Variants in FNBP1 observed in about 807,000 individuals in gnomAD.
The protein encoded by FNBP1 is formin binding protein 1.
In FNBP1, 26 loss-of-function variants were observed where a neutral mutation model predicts 90.6. That is an observed-to-expected ratio of 0.29 (90% CI 0.21 to 0.40). The LOEUF (loss-of-function observed/expected upper bound fraction) is 0.40, where lower values mean the gene tolerates loss of function less well. Among genes scored for constraint, FNBP1 ranks in the 10% least tolerant of loss-of-function variants. The probability of loss-of-function intolerance (pLI) is 1.00; values close to 1 mark genes in which losing one functional copy is unlikely to be tolerated. For missense variants in FNBP1, 635 were observed against 768.0 expected, an observed-to-expected ratio of 0.83 and a Z score of 2.05; for synonymous variants, 260 against 265.2, an observed-to-expected ratio of 0.98 and a Z score of 0.19.
intron 4 of FNBP1, among the ~76,000 whole-genome samples, chr9:129,971,011 G>A (rs1464357870): frequency 1.3e-5 from 2 of 151,890 alleles, no homozygotes; most frequent in African/African-American, 4.8e-5. Context: ...TCAGCCTCCT[G>A]AGTAGCTGGG....
At chr9:129,896,027 G>A (rs2035670127) in intron 15 of FNBP1, 31 bp from the exon 16 acceptor site, 1 of 1,569,540 alleles carries the variant, frequency 6.4e-7, no homozygotes, top group South Asian at 1.2e-5. Context: ...TATGTTAGAT[G>A]TCTTGGCAAA....
chr9:130,053,658 C>A, the FNBP1 span: 1 of 500,516 alleles, frequency 2.0e-6, no homozygotes, highest in African/African-American at 2.0e-5. Flanking sequence ...AGGTGCGGCC[C>A]GGGCTGGTCT....
intron 6 of FNBP1, among the ~76,000 whole-genome samples, chr9:129,949,998 G>A (rs1028112491): frequency 3.9e-5 from 6 of 152,266 alleles, no homozygotes; most frequent in South Asian, 2.1e-4. Context: ...AGGAGGATGC[G>A]CTGCTTTGAA....
intron 2 of FNBP1, among the ~76,000 whole-genome samples, chr9:129,985,464 A>G (rs921236087): frequency 4.6e-5 from 7 of 152,348 alleles, no homozygotes; most frequent in African/African-American, 1.4e-4. Context: ...AACCAGGATT[A>G]CATCCCAGGC....
intron 1 of FNBP1, among the ~76,000 whole-genome samples, chr9:130,003,896 C>G (rs1277847985): frequency 1.5e-5 from 2 of 136,156 alleles, no homozygotes; most frequent in Non-Finnish European, 3.1e-5. Flanking sequence ...TGCACTCCAG[C>G]CTGGGCGACA....
At chr9:129,953,994 C>T (rs1269599072) in intron 6 of FNBP1, among the ~76,000 whole-genome samples, 1 of 151,516 alleles carries the variant, frequency 6.6e-6, no homozygotes, top group African/African-American at 2.4e-5. Flanking sequence ...ACCTGGGCAA[C>T]ATAGTGAGAT....
chr9:130,035,949 AAAAC>A (rs1178653163), intron 1 of FNBP1, among the ~76,000 whole-genome samples: 4 of 152,334 alleles, frequency 2.6e-5, no homozygotes. Context: ...TCCATCTCAA[AAAAC>A]AAACAAACAA....
chr9:129,892,843 T>C (rs549943775), intron 16 of FNBP1, among the ~76,000 whole-genome samples: 1 of 152,322 alleles, frequency 6.6e-6, no homozygotes, highest in African/African-American at 2.4e-5. Flanking sequence ...GCATACAACT[T>C]AATGATCGTA....
rs993087629 is a variant in FNBP1 at position 129,888,142 on chromosome 9, A to C, written c.*2397T>G. ...AGGAGTGACGGGGGGATACAAGCAT[A>C]TCCTATACTGGGGGTGACGGTCATT... On this transcript the variant is annotated 3_prime_UTR_variant, in exon 17 of 17. Coordinates refer to ENST00000446176, the MANE Select transcript of FNBP1 (RefSeq NM_015033.3). 11 of 232,826 alleles carry C rather than the reference A, an allele frequency of 4.7e-5. No individual in the cohort carries two copies. Among genetic ancestry groups the C allele is most frequent in the African/African-American group, 2.2e-4 (10 of 45,316 alleles). 14.4% of individuals were successfully genotyped at this position (232,826 alleles called of 1,614,324 possible).
rs1413504777 is a variant in FNBP1, at chr9:130,042,946, A to T, written c.24+6T>A. The T allele has an allele frequency of 3.3e-5, 40 of 1,227,788 alleles. No homozygotes were observed. The highest frequency in any genetic ancestry group is 2.1e-4 in the Admixed American group (5 of 23,370). 76.1% of individuals were successfully genotyped at this position (1,227,788 alleles called of 1,614,324 possible). On this transcript the variant is annotated splice_donor_region_variant and intron_variant, in intron 1 of 16. Transcript: ENST00000446176. The surrounding 1 kb of genome is among the most constrained non-coding windows in gnomAD (Gnocchi z 5.5). ...CATCTGCCCGCGGGCCCAGCCCCTC[A>T]CTCACCCAGAGCTCGGTGCCCCAGC...
chr9:129,931,995 G>A (rs557599315), intron 6 of FNBP1, among the ~76,000 whole-genome samples: 2 of 151,916 alleles, frequency 1.3e-5, no homozygotes, highest in South Asian at 2.1e-4. Flanking sequence ...GGTGGATGAC[G>A]AGGTCAAGAG....
intron 6 of FNBP1, among the ~76,000 whole-genome samples, chr9:129,948,545 T>C (rs1311255855): frequency 6.6e-6 from 1 of 151,498 alleles, no homozygotes; most frequent in Non-Finnish European, 1.5e-5. Flanking sequence ...TTTGTATTTT[T>C]GGTATTTTTT....
chr9:129,991,389 G>T (rs1331116585), intron 2 of FNBP1, among the ~76,000 whole-genome samples: 1 of 151,550 alleles, frequency 6.6e-6, no homozygotes, highest in Admixed American at 6.6e-5. Context: ...GCCCTCCTCA[G>T]CCTCTCAAGT....
At chr9:130,052,701 C>T in the FNBP1 span, among the ~76,000 whole-genome samples, 1 of 152,024 alleles carries the variant, frequency 6.6e-6, no homozygotes, top group African/African-American at 2.4e-5. Flanking sequence ...TTCCAAAGTG[C>T]TGGGATTCAG....
chr9:129,894,619 C>G (rs2035450922), intron 16 of FNBP1, among the ~76,000 whole-genome samples: 1 of 152,146 alleles, frequency 6.6e-6, no homozygotes, highest in South Asian at 2.1e-4. Flanking sequence ...ATAGCCCCAC[C>G]TGGGCAAGCG....
chr9:129,926,550 A>G (rs2131955068), intron 8 of FNBP1, among the ~76,000 whole-genome samples: 1 of 152,172 alleles, frequency 6.6e-6, no homozygotes, highest in Non-Finnish European at 1.5e-5. Context: ...TGCCCCCAAC[A>G]AGAAAAATGA....
At position 129,900,054 on chromosome 9, in the gene FNBP1, T is replaced by C. The variant is rs1481195144; in HGVS notation, c.1598A>G (p.Lys533Arg). Residue 533 changes from lysine (K) to arginine (R), a missense_variant, in exon 15 of 17, where the codon AAG becomes AGG. Coordinates refer to ENST00000446176, the MANE Select transcript of FNBP1 (RefSeq NM_015033.3). The surrounding 1 kb of genome is among the most constrained non-coding windows in gnomAD (Gnocchi z 4.1). Reference sequence around the variant, plus strand: ...GTCGTCAAAATCCGTGGCCAGCACCTTCATCTCACTCTCCTGACTCTGCTC... The same window carrying C: ...GTCGTCAAAATCCGTGGCCAGCACCCTCATCTCACTCTCCTGACTCTGCTC... ...TEEQSQESEM[K>R]VLATDFDDEF... The C allele has an allele frequency of 6.2e-7, 1 of 1,613,424 alleles. No individual in the cohort carries two copies. The highest frequency in any genetic ancestry group is 1.3e-5 in the African/African-American group (1 of 75,012).
At chr9:129,948,796 C>T (rs1418218292) in intron 6 of FNBP1, among the ~76,000 whole-genome samples, 2 of 152,086 alleles carry the variant, frequency 1.3e-5, no homozygotes, top group African/African-American at 2.4e-5. Flanking sequence ...CAGCCTCAGC[C>T]TCTCAAAGTG....
In FNBP1 at chr9:129,889,419, CATT is replaced by C. The variant is rs1375806643; in HGVS notation, c.*1117_*1119del. On this transcript the variant is annotated 3_prime_UTR_variant, in exon 17 of 17. Transcript: ENST00000446176. ...ACCCTGTCTCTACTAAAAATACAAA[CATT>C]AGCCGGGCGTGGTGGTGCACGCCTG... 1.1e-5 allele frequency: 2 copies of C among 181,018 alleles called. No homozygotes were observed. The highest frequency in any genetic ancestry group is 9.1e-5 in the East Asian group (1 of 11,006). The allele number at this position is 181,018 out of a possible 1,614,324, so 11.2% of individuals were successfully genotyped here. A position where few individuals can be genotyped will look rare whatever the true frequency, so the allele number is the denominator to read the frequency against.
Sources: gnomAD v4.1 joint callset for allele counts (sites outside exome capture counted in the v4.1 genomes callset) on GRCh38, gnomAD v4.1.1 for gene constraint, Gnocchi (gnomAD v3.1) non-coding constraint, MANE v1.5 for transcripts, NCBI Gene and HGNC (gene_info 2026-07-23, HGNC 2026-07-21) for gene names.